The following PTPRT variants were observed in gnomAD, a reference collection of about 807,000 sequenced individuals.
PTPRT encodes receptor-type tyrosine-protein phosphatase T.
A neutral mutation model predicts 176.8 loss-of-function variants in PTPRT; 56 were observed. The ratio of observed to expected loss-of-function variants is 0.32; its 90% confidence interval spans 0.26 to 0.40. The LOEUF (loss-of-function observed/expected upper bound fraction) is 0.40, where lower values mean the gene tolerates loss of function less well. PTPRT is among the 10% of genes least tolerant of loss of function. PTPRT has a pLI of 1.00. For missense variants in PTPRT, 1,540 were observed against 1,908.2 expected (o/e 0.81, Z 3.60); for synonymous variants, 783 against 739.0 (o/e 1.06, Z -0.96).
intron 1 of PTPRT, among the ~76,000 whole-genome samples, chr20:43,065,968 A>C (rs2146261150): frequency 6.6e-6 from 1 of 152,322 alleles, no homozygotes; most frequent in Non-Finnish European, 1.5e-5. Flanking sequence ...CCCTGACTCT[A>C]TCACTCCCAG....
intron 30 of PTPRT, among the ~76,000 whole-genome samples, chr20:42,081,448 G>A (rs910040914): frequency 3.3e-5 from 5 of 152,060 alleles, no homozygotes; most frequent in African/African-American, 7.2e-5. Flanking sequence ...CTTATCACCC[G>A]GGGCTCTGCC....
chr20:42,726,853 A>C (rs936833236), intron 6 of PTPRT, among the ~76,000 whole-genome samples: 14 of 152,122 alleles, frequency 9.2e-5, no homozygotes, highest in African/African-American at 3.1e-4. Context: ...TACTAATGGG[A>C]TTTTTGTGTG....
At chr20:43,120,578 A>C (rs2013223550) in intron 1 of PTPRT, among the ~76,000 whole-genome samples, 1 of 152,184 alleles carries the variant, frequency 6.6e-6, no homozygotes, top group Non-Finnish European at 1.5e-5. Context: ...GCCCAGATTC[A>C]GATTTTTAAA....
chr20:42,366,558 C>T (rs1277369884), intron 9 of PTPRT, among the ~76,000 whole-genome samples: 1 of 152,204 alleles, frequency 6.6e-6, no homozygotes, highest in Non-Finnish European at 1.5e-5. Context: ...TCCCGTTCTT[C>T]TTCTGTCCCA....
At chr20:42,189,159 T>C (rs988496622) in intron 16 of PTPRT, among the ~76,000 whole-genome samples, 3 of 152,168 alleles carry the variant, frequency 2.0e-5, no homozygotes, top group Admixed American at 6.5e-5. Context: ...ACAGAGTATC[T>C]TGGACTTCAA....
chr20:43,183,984 G>T (rs1252797373), intron 1 of PTPRT, among the ~76,000 whole-genome samples: 1 of 152,182 alleles, frequency 6.6e-6, no homozygotes, highest in African/African-American at 2.4e-5. Context: ...TCTTTCTGTG[G>T]ACATATGTTT....
At chr20:42,931,043 C>A (rs183210123) in intron 1 of PTPRT, among the ~76,000 whole-genome samples, 1 of 152,302 alleles carries the variant, frequency 6.6e-6, no homozygotes, top group East Asian at 1.9e-4. Context: ...ACCACCACCA[C>A]CAATATCCCT....
intron 6 of PTPRT, among the ~76,000 whole-genome samples, chr20:42,707,341 C>G (rs1029833897): frequency 1.3e-5 from 2 of 151,974 alleles, no homozygotes; most frequent in African/African-American, 4.8e-5. Context: ...ATGCATATGC[C>G]GAGATAGCAT....
chr20:42,801,855 G>T (rs376932352), intron 2 of PTPRT, among the ~76,000 whole-genome samples: 5 of 152,226 alleles, frequency 3.3e-5, no homozygotes, highest in Middle Eastern at 6.8e-3. Context: ...CTTGTGGGGG[G>T]GCTAAAAGAA....
intron 1 of PTPRT, among the ~76,000 whole-genome samples, chr20:43,035,235 C>T (rs545910277): frequency 6.6e-6 from 1 of 152,104 alleles, no homozygotes; most frequent in Admixed American, 6.6e-5. Context: ...TCTGCAAGAA[C>T]ACTCCCGCCT....
intron 1 of PTPRT, among the ~76,000 whole-genome samples, chr20:42,943,369 C>T (rs1380893359): frequency 1.3e-5 from 2 of 152,194 alleles, no homozygotes; most frequent in Non-Finnish European, 2.9e-5. Context: ...AAGGGATACG[C>T]ACGCAGAGCC....
intron 7 of PTPRT, among the ~76,000 whole-genome samples, chr20:42,514,989 G>A (rs2072034055): frequency 6.6e-6 from 1 of 151,996 alleles, no homozygotes; most frequent in Admixed American, 6.6e-5. Context: ...TTTCTCTTTT[G>A]GATATCCTCT....
At chr20:43,002,671 A>G (rs1212602443) in intron 1 of PTPRT, among the ~76,000 whole-genome samples, 2 of 152,160 alleles carry the variant, frequency 1.3e-5, no homozygotes, top group African/African-American at 2.4e-5. Flanking sequence ...ATTTTTAGAG[A>G]ATAGCAATAA....
chr20:42,119,916 G>C lies in PTPRT; in HGVS notation c.2884+19C>G. 1 of 1,605,404 alleles carries C rather than the reference G, an allele frequency of 6.2e-7. No homozygotes were observed. Among genetic ancestry groups the C allele is most frequent in the Non-Finnish European group, 8.5e-7 (1 of 1,174,934 alleles). On this transcript the variant is annotated intron_variant, in intron 20 of 30. Transcript: ENST00000373187. ...CCCTGAAGCCTCTCTGAGGCACTAG[G>C]TGGAGGGAGGGCACTTACCTTGAGT...
intron 9 of PTPRT, among the ~76,000 whole-genome samples, chr20:42,445,020 C>T (rs999536583): frequency 4.6e-5 from 7 of 152,070 alleles, no homozygotes; most frequent in South Asian, 4.1e-4. Context: ...CTTCTGAAAC[C>T]GTAATACCCA....
intron 7 of PTPRT, among the ~76,000 whole-genome samples, chr20:42,570,177 C>T (rs1293425894): frequency 6.6e-6 from 1 of 152,128 alleles, no homozygotes; most frequent in East Asian, 1.9e-4. Context: ...GGCATCTCTC[C>T]CATCTGTACC....
At chr20:43,078,081 T>C (rs745899319) in intron 1 of PTPRT, among the ~76,000 whole-genome samples, 9 of 152,240 alleles carry the variant, frequency 5.9e-5, no homozygotes, top group Non-Finnish European at 1.3e-4. Flanking sequence ...TTACTTAATG[T>C]ATCTCTCTCC....
At chr20:42,065,893 T>A in the PTPRT span, among the ~76,000 whole-genome samples, 88 of 148,910 alleles carry the variant, frequency 5.9e-4, no homozygotes, top group African/African-American at 2.0e-3. Flanking sequence ...GGCCATCATA[T>A]TTCATCAGGA....
chr20:42,700,232 C>A (rs377129158), intron 6 of PTPRT, among the ~76,000 whole-genome samples: 1 of 152,150 alleles, frequency 6.6e-6, no homozygotes, highest in African/African-American at 2.4e-5. Flanking sequence ...GAGAAGCCCA[C>A]GGAAGTCACC....
Sources: allele counts gnomAD v4.1 joint callset (sites outside exome capture counted in the v4.1 genomes callset), GRCh38; gene constraint gnomAD v4.1.1; transcripts MANE v1.5; gene names NCBI Gene and HGNC (gene_info 2026-07-23, HGNC 2026-07-21).